ADAM17: variants seen among roughly 807,000 people sequenced by gnomAD.
The protein encoded by ADAM17 is disintegrin and metalloproteinase domain-containing protein 17.
ADAM17 carries 39 observed loss-of-function variants against 96.7 expected under a neutral mutation model. The observed-to-expected ratio is 0.40, with a 90% CI of 0.31 to 0.53. ADAM17 has a LOEUF of 0.53. Ranked by LOEUF, ADAM17 falls within the 20% of genes least tolerant of loss-of-function variation. The probability of loss-of-function intolerance (pLI) is 0.44; values close to 1 mark genes in which losing one functional copy is unlikely to be tolerated. For synonymous variants in ADAM17, 344 were observed against 359.2 expected (o/e 0.96, Z 0.48); for missense variants, 777 against 1,013.2 (o/e 0.77, Z 3.17).
chr2:9,495,018 C>A (rs1186880177), intron 14 of ADAM17, among the ~76,000 whole-genome samples: 1 of 152,224 alleles, frequency 6.6e-6, no homozygotes, highest in African/African-American at 2.4e-5. Context: ...TTCAAGACCT[C>A]TCTTCAAAGT....
At chr2:9,537,657 G>A (rs569515995) in intron 2 of ADAM17, among the ~76,000 whole-genome samples, 132 of 151,898 alleles carry the variant, frequency 8.7e-4, no homozygotes, top group Non-Finnish European at 1.5e-3. Flanking sequence ...GAGTGAACCC[G>A]GGAGGCGGAG....
chr2:9,553,310 A>G (rs1402716917), intron 1 of ADAM17, among the ~76,000 whole-genome samples: 2 of 152,016 alleles, frequency 1.3e-5, no homozygotes, highest in Admixed American at 6.6e-5. Flanking sequence ...TTGAAGATGG[A>G]TATCGTCTGA....
intron 11 of ADAM17, among the ~76,000 whole-genome samples, chr2:9,505,995 C>T (rs1303376924): frequency 1.3e-5 from 2 of 152,120 alleles, no homozygotes; most frequent in Non-Finnish European, 2.9e-5. Flanking sequence ...CACTACCTTC[C>T]CACCCTGGAG....
At chr2:9,520,718 C>T (rs1369533654) in intron 8 of ADAM17, among the ~76,000 whole-genome samples, 2 of 152,040 alleles carry the variant, frequency 1.3e-5, no homozygotes, top group African/African-American at 4.8e-5. Context: ...AATCCCAGCA[C>T]TTTGGGAGGC....
At chr2:9,510,392 A>C (rs1241084764) in intron 10 of ADAM17, among the ~76,000 whole-genome samples, 1 of 152,140 alleles carries the variant, frequency 6.6e-6, no homozygotes, top group Non-Finnish European at 1.5e-5. Context: ...TGGGCTAGGC[A>C]TGGTGGCTCA....
intron 7 of ADAM17, chr2:9,522,576 C>A: frequency 4.4e-6 from 2 of 454,136 alleles, no homozygotes; most frequent in South Asian, 5.2e-5. Flanking sequence ...CCTCTAAATT[C>A]TATACTATAT....
chr2:9,541,232 A>G (rs570545386), intron 2 of ADAM17, among the ~76,000 whole-genome samples: 2 of 152,230 alleles, frequency 1.3e-5, no homozygotes, highest in Non-Finnish European at 2.9e-5. Context: ...TATATCACCT[A>G]TACACACACA....
intron 1 of ADAM17, among the ~76,000 whole-genome samples, chr2:9,547,357 G>C (rs917823151): frequency 6.6e-6 from 1 of 152,142 alleles, no homozygotes; most frequent in Non-Finnish European, 1.5e-5. Flanking sequence ...TGACACTGGA[G>C]GAAAGACCAA....
At chr2:9,502,356 G>C in intron 12 of ADAM17, 80 bp from the exon 13 acceptor site, 1 of 1,214,710 alleles carries the variant, frequency 8.2e-7, no homozygotes, top group Non-Finnish European at 1.2e-6. Context: ...TTACGTTACA[G>C]TGACCTGAAG....
rs1661835431 is a variant in ADAM17 at position 9,489,017 on chromosome 2, G to A, written c.*1160C>T. The A allele has an allele frequency of 2.0e-5, 3 of 152,194 alleles. No individual in the cohort carries two copies. The highest frequency in any genetic ancestry group is 2.0e-4 in the Admixed American group (3 of 15,282). The allele number at this position is 152,194 out of a possible 1,614,324, so 9.4% of individuals were successfully genotyped here. On this transcript the variant is annotated 3_prime_UTR_variant, in exon 19 of 19. Coordinates refer to ENST00000310823, the MANE Select transcript of ADAM17 (RefSeq NM_003183.6). ...CCAGAATCCTGGAGCAATAAAGTAA[G>A]AAGTAATTCAAATATCTGCTTGTGG...
chr2:9,528,134 A>G (rs1346815753), intron 4 of ADAM17, among the ~76,000 whole-genome samples, 180 bp from the exon 5 acceptor site: 1 of 151,744 alleles, frequency 6.6e-6, no homozygotes, highest in Non-Finnish European at 1.5e-5. Flanking sequence ...TCTATGCAGG[A>G]AAGTAAATAC....
At chr2:9,549,509 T>C (rs186243679) in intron 1 of ADAM17, among the ~76,000 whole-genome samples, 26 of 152,256 alleles carry the variant, frequency 1.7e-4, no homozygotes, top group Admixed American at 1.6e-3. Flanking sequence ...TATGAGAAGG[T>C]TCTGGAAACG....
chr2:9,555,719 C>T lies in ADAM17; in HGVS notation c.-114G>A. On this transcript the variant is annotated 5_prime_UTR_variant, in exon 1 of 19. Coordinates refer to ENST00000310823, the MANE Select transcript of ADAM17 (RefSeq NM_003183.6). ...ATCCGCCCGGCCTAGCCCCTCAATC[C>T]TCTTTTCCCTCCCGCGCCGCCTACT... 1.2e-6 allele frequency: 1 copy of T among 846,768 alleles called. No homozygotes were observed. The highest frequency in any genetic ancestry group is 1.7e-6 in the Non-Finnish European group (1 of 583,442). The allele number at this position is 846,768 out of a possible 1,614,324, so 52.5% of individuals were successfully genotyped here.
At chr2:9,546,682 ACTGT>A (rs1168082198) in intron 1 of ADAM17, among the ~76,000 whole-genome samples, 2 of 150,782 alleles carry the variant, frequency 1.3e-5, no homozygotes, top group Non-Finnish European at 3.0e-5. Context: ...ACACTGCCGC[ACTGT>A]CTATCTCAGC....
At chr2:9,538,657 TACATTA>T (rs374836786) in intron 2 of ADAM17, among the ~76,000 whole-genome samples, 41 of 152,374 alleles carry the variant, frequency 2.7e-4, no homozygotes, top group African/African-American at 9.1e-4. Flanking sequence ...TTTCATTTGC[TACATTA>T]AGAATCTTTT....
chr2:9,527,626 CAAA>C (rs1313470618), intron 5 of ADAM17, 157 bp downstream of exon 5: 7 of 446,290 alleles, frequency 1.6e-5, no homozygotes, highest in Non-Finnish European at 2.2e-5. Context: ...ACATTATAAA[CAAA>C]AGAAGATGAA....
chr2:9,501,719 A>C (rs1376452300), intron 13 of ADAM17, among the ~76,000 whole-genome samples: 2 of 152,132 alleles, frequency 1.3e-5, no homozygotes, highest in African/African-American at 4.8e-5. Context: ...TGTCATTTTG[A>C]TTGTTTCCAA....
At chr2:9,515,735 CAA>C (rs56888068) in intron 10 of ADAM17, among the ~76,000 whole-genome samples, 143 of 118,038 alleles carry the variant, frequency 1.2e-3, no homozygotes, top group Middle Eastern at 4.0e-3. Context: ...ACTCCGTCTC[CAA>C]AAAAAAAAAA....
At chr2:9,527,040 T>A (rs1664559361) in intron 5 of ADAM17, among the ~76,000 whole-genome samples, 1 of 151,248 alleles carries the variant, frequency 6.6e-6, no homozygotes, top group Admixed American at 6.6e-5. Flanking sequence ...TAACCGTCTT[T>A]GGCCGGGCAT....
Sources: gnomAD v4.1 joint callset for allele counts (sites outside exome capture counted in the v4.1 genomes callset) on GRCh38, gnomAD v4.1.1 for gene constraint, MANE v1.5 for transcripts, NCBI Gene and HGNC (gene_info 2026-07-23, HGNC 2026-07-21) for gene names.